Variants in DIAPH3 observed in about 807,000 individuals in gnomAD.
DIAPH3 encodes protein diaphanous homolog 3.
A neutral mutation model predicts 144.3 loss-of-function variants in DIAPH3; 117 were observed. That is an observed-to-expected ratio of 0.81 (90% CI 0.70 to 0.95). The LOEUF is 0.95. Ranked by LOEUF, DIAPH3 falls within the 40% of genes least tolerant of loss-of-function variation. The probability of loss-of-function intolerance (pLI) is 0.00; values close to 1 mark genes in which losing one functional copy is unlikely to be tolerated. For missense variants in DIAPH3, 1,421 were observed against 1,412.7 expected, an observed-to-expected ratio of 1.01 and a Z score of -0.09; for synonymous variants, 519 against 488.9, an observed-to-expected ratio of 1.06 and a Z score of -0.81.
At chr13:59,791,547 A>G (rs1393390207) in intron 25 of DIAPH3, among the ~76,000 whole-genome samples, 1 of 152,152 alleles carries the variant, frequency 6.6e-6, no homozygotes, top group Non-Finnish European at 1.5e-5. Flanking sequence ...GGGAGATTTG[A>G]TATCTTTCTG....
intron 17 of DIAPH3, among the ~76,000 whole-genome samples, chr13:59,946,245 T>C (rs1458433342): frequency 6.6e-6 from 1 of 152,190 alleles, no homozygotes; most frequent in African/African-American, 2.4e-5. Flanking sequence ...TTGCAAAGCA[T>C]TGTGTTCCTA....
chr13:60,041,890 G>A lies in DIAPH3; in HGVS notation c.626+800C>T, dbSNP rs547710690. On this transcript the variant is annotated intron_variant, in intron 5 of 27. Coordinates refer to ENST00000400324, the MANE Select transcript of DIAPH3 (RefSeq NM_001042517.2). ...TAGCCACCTACCTAATTCAGAGTTAGCAAATGGCCTCTGAATAGACTGAAA... is the reference window on the plus strand; with the variant it reads ...TAGCCACCTACCTAATTCAGAGTTAACAAATGGCCTCTGAATAGACTGAAA... 3.3e-5 allele frequency among the ~76,000 whole-genome samples: 5 copies of A among 152,068 alleles called. No homozygotes were observed. In the East Asian group the frequency reaches 9.7e-4, roughly 29 times the overall value.
At chr13:60,108,897 G>A (rs910383449) in intron 3 of DIAPH3, among the ~76,000 whole-genome samples, 2 of 152,038 alleles carry the variant, frequency 1.3e-5, no homozygotes, top group Non-Finnish European at 2.9e-5. Context: ...GTGTTGGGGG[G>A]AGGTGTGTGT....
chr13:59,946,269 T>A (rs1392554007), intron 17 of DIAPH3, among the ~76,000 whole-genome samples: 1 of 152,178 alleles, frequency 6.6e-6, no homozygotes, highest in East Asian at 1.9e-4. Flanking sequence ...TATTGTCCTT[T>A]CAGCTAAAAT....
At chr13:59,851,672 C>T (rs2139856777) in intron 22 of DIAPH3, among the ~76,000 whole-genome samples, 1 of 137,240 alleles carries the variant, frequency 7.3e-6, no homozygotes, top group African/African-American at 2.7e-5. Flanking sequence ...CAGCGTTTCG[C>T]TCTTTGCCCA....
chr13:60,056,153 G>A (rs2056550359), intron 4 of DIAPH3, among the ~76,000 whole-genome samples: 2 of 151,230 alleles, frequency 1.3e-5, no homozygotes, highest in South Asian at 4.2e-4. Context: ...TCTAACTAAA[G>A]ATTATCAACA....
intron 13 of DIAPH3, among the ~76,000 whole-genome samples, chr13:59,982,843 C>T (rs1382362893): frequency 6.6e-6 from 1 of 151,404 alleles, no homozygotes; most frequent in Non-Finnish European, 1.5e-5. Flanking sequence ...ATGTTCCGAA[C>T]GTTAACAGGT....
intron 4 of DIAPH3, among the ~76,000 whole-genome samples, chr13:60,050,206 G>A (rs2056271718): frequency 6.6e-6 from 1 of 152,084 alleles, no homozygotes; most frequent in Non-Finnish European, 1.5e-5. Flanking sequence ...AAAAAGAAAA[G>A]ACAGAAGGAA....
At chr13:60,064,125 T>C (rs1566729096) in intron 4 of DIAPH3, among the ~76,000 whole-genome samples, 1 of 152,204 alleles carries the variant, frequency 6.6e-6, no homozygotes, top group Non-Finnish European at 1.5e-5. Context: ...GTTCCATTTC[T>C]GGAGTGCAGG....
chr13:60,138,276 A>C (rs2059341830), intron 1 of DIAPH3, among the ~76,000 whole-genome samples: 1 of 152,166 alleles, frequency 6.6e-6, no homozygotes, highest in African/African-American at 2.4e-5. Flanking sequence ...ATGTTTAAGA[A>C]GTCATGCCTG....
At chr13:59,758,229 A>C (rs2037387682) in intron 27 of DIAPH3, among the ~76,000 whole-genome samples, 1 of 152,212 alleles carries the variant, frequency 6.6e-6, no homozygotes, top group Admixed American at 6.5e-5. Context: ...TGTCTGATAG[A>C]AGCAAAAGAC....
At chr13:60,082,607 C>T (rs1048165546) in intron 4 of DIAPH3, among the ~76,000 whole-genome samples, 1 of 151,776 alleles carries the variant, frequency 6.6e-6, no homozygotes, top group East Asian at 1.9e-4. Context: ...AGCAAAAAAA[C>T]GTGTGAGCCA....
In DIAPH3 at chr13:60,028,297, G is replaced by A. The variant is rs1594405769; in HGVS notation, c.627-12152C>T. Among the ~76,000 whole-genome samples the A allele has an allele frequency of 2.0e-5, 3 of 151,766 alleles. No individual in the cohort carries two copies. In the East Asian group the frequency reaches 5.8e-4, roughly 29 times the overall value. On this transcript the variant is annotated intron_variant, in intron 5 of 27. Coordinates refer to ENST00000400324, the MANE Select transcript of DIAPH3 (RefSeq NM_001042517.2). Reference sequence around the variant, plus strand: ...CATTCACTCAATCTCATTTCAGTCTGGCTTCTACCACCAAGACTCCAAAAA... The same window carrying A: ...CATTCACTCAATCTCATTTCAGTCTAGCTTCTACCACCAAGACTCCAAAAA...
chr13:59,707,968 A>G (rs534720684), intron 27 of DIAPH3, among the ~76,000 whole-genome samples: 33 of 150,830 alleles, frequency 2.2e-4, no homozygotes, highest in Non-Finnish European at 4.1e-4. Context: ...AAACAAACAT[A>G]CTATTTCTCT....
chr13:59,730,993 C>T (rs2035867290), intron 27 of DIAPH3, among the ~76,000 whole-genome samples: 1 of 152,144 alleles, frequency 6.6e-6, no homozygotes, highest in South Asian at 2.1e-4. Context: ...TTATTCCCTT[C>T]TTGTCAACAT....
intron 25 of DIAPH3, among the ~76,000 whole-genome samples, chr13:59,802,837 G>A (rs341534): frequency 0.014 from 2,057 of 147,590 alleles, 23 homozygotes; most frequent in Non-Finnish European, 0.022. Flanking sequence ...GCCCGCCACC[G>A]CGCCCGGCTA....
At chr13:59,970,116 C>G (rs1487031857) in intron 16 of DIAPH3, 58 bp from the exon 17 acceptor site, 1 of 956,380 alleles carries the variant, frequency 1.0e-6, no homozygotes. Flanking sequence ...TGTCCCAAGT[C>G]AAGCACTATG....
At chr13:60,138,190 T>C (rs1285414147) in intron 1 of DIAPH3, among the ~76,000 whole-genome samples, 1 of 152,200 alleles carries the variant, frequency 6.6e-6, no homozygotes, top group Non-Finnish European at 1.5e-5. Flanking sequence ...AGACTTTCTC[T>C]GAAAAGCTAG....
rs76815239 is a variant in DIAPH3 at position 59,752,363 on chromosome 13, G to A, written c.3319+21826C>T. Among the ~76,000 whole-genome samples the A allele has an allele frequency of 8.9e-3, 1,335 of 150,840 alleles. 11 individuals carry two copies. Among genetic ancestry groups the A allele is most frequent in the Middle Eastern group, 0.054 (16 of 294 alleles). On this transcript the variant is annotated intron_variant, in intron 27 of 27. Coordinates refer to ENST00000400324, the MANE Select transcript of DIAPH3 (RefSeq NM_001042517.2). ...TTGTACCACAATAAGCAATAATGTAGTCAATTTTTTTTTTTTTTTTTTGAG... is the reference window on the plus strand; with the variant it reads ...TTGTACCACAATAAGCAATAATGTAATCAATTTTTTTTTTTTTTTTTTGAG...
Sources: gnomAD v4.1 joint callset for allele counts (sites outside exome capture counted in the v4.1 genomes callset) on GRCh38, gnomAD v4.1.1 for gene constraint, MANE v1.5 for transcripts, NCBI Gene and HGNC (gene_info 2026-07-23, HGNC 2026-07-21) for gene names.